The following CDK14 variants were observed in gnomAD, a reference collection of about 807,000 sequenced individuals.
CDK14 encodes cyclin dependent kinase 14.
CDK14 carries 34 observed loss-of-function variants against 60.7 expected under a neutral mutation model. That is an observed-to-expected ratio of 0.56 (90% CI 0.43 to 0.75). CDK14 has a LOEUF of 0.75. CDK14 is among the 30% of genes least tolerant of loss of function. The pLI, the probability that CDK14 is intolerant of heterozygous loss-of-function variation, is 0.00. For synonymous variants in CDK14, 197 were observed against 203.7 expected, an observed-to-expected ratio of 0.97 and a Z score of 0.28; for missense variants, 482 against 564.1, an observed-to-expected ratio of 0.85 and a Z score of 1.47.
At chr7:90,895,363 C>A (rs1792273701) in intron 6 of CDK14, among the ~76,000 whole-genome samples, 1 of 10,960 alleles carries the variant, frequency 9.1e-5, no homozygotes, top group Non-Finnish European at 2.0e-4. Flanking sequence ...CTCCTCACCT[C>A]TCCTCCCCTC....
intron 8 of CDK14, among the ~76,000 whole-genome samples, chr7:90,940,942 G>C (rs1250852045): frequency 6.6e-6 from 1 of 152,174 alleles, no homozygotes; most frequent in Non-Finnish European, 1.5e-5. Context: ...TGGCTTCCAA[G>C]TTCAGTTCAA....
At chr7:90,644,798 C>A (rs1800424098) in intron 2 of CDK14, among the ~76,000 whole-genome samples, 1 of 152,066 alleles carries the variant, frequency 6.6e-6, no homozygotes, top group Non-Finnish European at 1.5e-5. Flanking sequence ...TAGGCCTATT[C>A]AATTTGAAAC....
At chr7:90,665,197 A>T (rs1227611076) in intron 2 of CDK14, among the ~76,000 whole-genome samples, 1 of 152,092 alleles carries the variant, frequency 6.6e-6, no homozygotes, top group East Asian at 1.9e-4. Context: ...AGGCAGGAGA[A>T]TTGCTTGAAC....
In CDK14 at chr7:90,621,621, C is replaced by T. The variant is rs1210998914; in HGVS notation, c.123+17372C>T. Among the ~76,000 whole-genome samples the T allele has an allele frequency of 5.9e-5, 5 of 85,180 alleles. No individual in the cohort carries two copies. In the East Asian group the frequency reaches 1.8e-3, roughly 30 times the overall value. The allele number at this position is 85,180 out of a possible 152,430, so 55.9% of individuals were successfully genotyped here. A position where few individuals can be genotyped will look rare whatever the true frequency, so the allele number is the denominator to read the frequency against. On this transcript the variant is annotated intron_variant, in intron 2 of 14. Transcript: ENST00000380050. ...CCATAATTCAGACTTTTTTTCCTTC[C>T]TTCCTTCCTTCCTTCCTTCCTTCCT...
chr7:90,880,068 A>G (rs760553914), intron 6 of CDK14, among the ~76,000 whole-genome samples: 2 of 152,214 alleles, frequency 1.3e-5, no homozygotes, highest in African/African-American at 4.8e-5. Context: ...GCTTAAGCCT[A>G]TCAGACTCCC....
chr7:91,088,173 G>A (rs1366311351), intron 12 of CDK14, among the ~76,000 whole-genome samples: 2 of 152,214 alleles, frequency 1.3e-5, no homozygotes. Flanking sequence ...TTTAAAGGGG[G>A]AAGGTAGATG....
chr7:90,736,918 A>G (rs1803140030), intron 3 of CDK14, among the ~76,000 whole-genome samples: 1 of 152,230 alleles, frequency 6.6e-6, no homozygotes. Flanking sequence ...CATCATGCTA[A>G]TGTAACTGGC....
intron 11 of CDK14, among the ~76,000 whole-genome samples, chr7:91,047,937 G>A (rs1797287546): frequency 1.3e-5 from 2 of 152,196 alleles, no homozygotes; most frequent in Non-Finnish European, 2.9e-5. Flanking sequence ...AAATATACAA[G>A]CCCAAAAAGG....
intron 11 of CDK14, among the ~76,000 whole-genome samples, chr7:91,067,342 T>C (rs1798010960): frequency 1.3e-5 from 2 of 152,232 alleles, no homozygotes. Flanking sequence ...TTTGAAATCA[T>C]GTACTTTGGC....
At chr7:91,194,716 G>A (rs1802481152) in intron 14 of CDK14, among the ~76,000 whole-genome samples, 1 of 152,182 alleles carries the variant, frequency 6.6e-6, no homozygotes, top group Non-Finnish European at 1.5e-5. Flanking sequence ...GCATCCATGT[G>A]AAGAGGAAGT....
chr7:90,763,861 G>A (rs1398095120), intron 4 of CDK14, among the ~76,000 whole-genome samples: 1 of 151,976 alleles, frequency 6.6e-6, no homozygotes, highest in Non-Finnish European at 1.5e-5. Context: ...TATAGAGGGG[G>A]CCCTTCTGTC....
chr7:91,015,026 T>C (rs189697705), intron 10 of CDK14, among the ~76,000 whole-genome samples: 1 of 152,360 alleles, frequency 6.6e-6, no homozygotes, highest in Admixed American at 6.5e-5. Context: ...TTTTCTCTTA[T>C]AGGAGTCTAT....
At chr7:91,105,634 A>AC (rs149621697) in intron 12 of CDK14, among the ~76,000 whole-genome samples, 1,722 of 152,338 alleles carry the variant, frequency 0.011, 20 homozygotes, top group Non-Finnish European at 0.017. Flanking sequence ...CCATAGATTA[A>AC]CATTAGACAA....
At chr7:91,027,573 C>T (rs1796608290) in intron 10 of CDK14, among the ~76,000 whole-genome samples, 1 of 152,032 alleles carries the variant, frequency 6.6e-6, no homozygotes, top group South Asian at 2.1e-4. Context: ...ATAAGTAGCC[C>T]ATTTGTAGGT....
chr7:90,943,904 AG>A (rs1432391211), intron 8 of CDK14, among the ~76,000 whole-genome samples: 1 of 152,114 alleles, frequency 6.6e-6, no homozygotes, highest in Non-Finnish European at 1.5e-5. Context: ...CAGTGTTGGG[AG>A]GTGGGACCTT....
At chr7:91,199,545 A>G (rs1802652507) in intron 14 of CDK14, among the ~76,000 whole-genome samples, 1 of 152,192 alleles carries the variant, frequency 6.6e-6, no homozygotes, top group Admixed American at 6.5e-5. Context: ...CATTCTTTTC[A>G]ATCAAGGCTA....
intron 14 of CDK14, among the ~76,000 whole-genome samples, chr7:91,163,813 G>A (rs553116736): frequency 6.6e-6 from 1 of 152,216 alleles, no homozygotes; most frequent in South Asian, 2.1e-4. Context: ...TAAGGAATAA[G>A]ATGATCCATA....
At chr7:90,912,559 G>T (rs1227590335) in intron 7 of CDK14, among the ~76,000 whole-genome samples, 1 of 152,038 alleles carries the variant, frequency 6.6e-6, no homozygotes, top group African/African-American at 2.4e-5. Flanking sequence ...AATACAGGAT[G>T]GTAGCTGGAA....
chr7:90,786,308 C>A (rs1805578046), intron 4 of CDK14, among the ~76,000 whole-genome samples: 5 of 152,098 alleles, frequency 3.3e-5, no homozygotes. Context: ...GGCAATCAAG[C>A]CCTGATTGCC....
Sources: allele counts gnomAD v4.1 joint callset (sites outside exome capture counted in the v4.1 genomes callset), GRCh38; gene constraint gnomAD v4.1.1; transcripts MANE v1.5; gene names NCBI Gene and HGNC (gene_info 2026-07-23, HGNC 2026-07-21).